The following DOCK1 variants were observed in gnomAD, a reference collection of about 807,000 sequenced individuals.
The protein encoded by DOCK1 is dedicator of cytokinesis protein 1.
In DOCK1, 138 loss-of-function variants were observed where a neutral mutation model predicts 262.7. The observed-to-expected ratio is 0.53, with a 90% CI of 0.46 to 0.61. The LOEUF is 0.61. Among genes scored for constraint, DOCK1 ranks in the 20% least tolerant of loss-of-function variants. The pLI is 0.00. For missense variants in DOCK1, 1,908 were observed against 2,370.7 expected, an observed-to-expected ratio of 0.80 and a Z score of 4.05; for synonymous variants, 866 against 867.4, an observed-to-expected ratio of 1.00 and a Z score of 0.03.
chr10:126,962,480 AGAGTT>A (rs1373231819), intron 1 of DOCK1, among the ~76,000 whole-genome samples: 1 of 151,444 alleles, frequency 6.6e-6, no homozygotes, highest in Admixed American at 6.6e-5. Flanking sequence ...TTTTTTTAGT[AGAGTT>A]GGGATTTCAC....
intron 46 of DOCK1, among the ~76,000 whole-genome samples, chr10:127,423,641 T>A (rs1489399143): frequency 1.3e-5 from 2 of 152,160 alleles, no homozygotes; most frequent in African/African-American, 4.8e-5. Context: ...TATACATATT[T>A]CTCTTTTGAA....
intron 29 of DOCK1, among the ~76,000 whole-genome samples, chr10:127,325,189 C>G (rs2062701779): frequency 6.6e-6 from 1 of 152,188 alleles, no homozygotes; most frequent in South Asian, 2.1e-4. Context: ...TCTGTGGTTT[C>G]TGCTTTTGAT....
chr10:127,169,799 A>G (rs1416367608), intron 27 of DOCK1, among the ~76,000 whole-genome samples: 1 of 152,174 alleles, frequency 6.6e-6, no homozygotes, highest in East Asian at 1.9e-4. Flanking sequence ...CCTCTTAAGT[A>G]TGTGTATGTG....
At chr10:127,238,124 A>G (rs2059137164) in intron 27 of DOCK1, among the ~76,000 whole-genome samples, 1 of 152,234 alleles carries the variant, frequency 6.6e-6, no homozygotes, top group Admixed American at 6.5e-5. Context: ...GATGCCTATG[A>G]AAATGAACAA....
At chr10:127,245,213 T>G (rs1048460405) in intron 27 of DOCK1, among the ~76,000 whole-genome samples, 2 of 152,132 alleles carry the variant, frequency 1.3e-5, no homozygotes, top group African/African-American at 4.8e-5. Flanking sequence ...GGAGGGGCAT[T>G]TCAGTGAATT....
intron 51 of DOCK1, among the ~76,000 whole-genome samples, chr10:127,448,578 G>T (rs1183514438): frequency 3.9e-5 from 6 of 152,154 alleles, no homozygotes; most frequent in Non-Finnish European, 8.8e-5. Flanking sequence ...GGGAACTTCT[G>T]CTTCTAGGCT....
intron 30 of DOCK1, among the ~76,000 whole-genome samples, chr10:127,342,131 G>A (rs2063460529): frequency 6.6e-6 from 1 of 151,948 alleles, no homozygotes; most frequent in African/African-American, 2.4e-5. Context: ...GTTAAAGGGA[G>A]CAGGTAGAAA....
rs1457521891 is a variant in DOCK1, at chr10:126,914,853, G to C, written c.46+9290G>C. On this transcript the variant is annotated intron_variant, in intron 1 of 51. Transcript: ENST00000623213. Reference sequence around the variant, plus strand: ...GGTGGGGAGGGTGAGCAGGGGCTCTGCTCTGCCCAGCCATTCAGAGTCTCT... The same window carrying C: ...GGTGGGGAGGGTGAGCAGGGGCTCTCCTCTGCCCAGCCATTCAGAGTCTCT... Among the ~76,000 whole-genome samples, 4 of 152,216 alleles carry C rather than the reference G, an allele frequency of 2.6e-5. No homozygotes were observed. In the East Asian group the frequency reaches 7.7e-4, roughly 29 times the overall value.
chr10:127,380,477 G>T (rs1302651503), intron 36 of DOCK1, among the ~76,000 whole-genome samples: 1 of 152,144 alleles, frequency 6.6e-6, no homozygotes, highest in Non-Finnish European at 1.5e-5. Flanking sequence ...GAGAAATCCA[G>T]TTATAACTTT....
At chr10:127,017,380 G>A (rs1190148002) in intron 12 of DOCK1, among the ~76,000 whole-genome samples, 2 of 151,394 alleles carry the variant, frequency 1.3e-5, no homozygotes, top group African/African-American at 4.9e-5. Context: ...TACAGACACA[G>A]ACATACATAC....
At chr10:127,219,357 T>C (rs2058335381) in intron 27 of DOCK1, among the ~76,000 whole-genome samples, 1 of 152,176 alleles carries the variant, frequency 6.6e-6, no homozygotes, top group Non-Finnish European at 1.5e-5. Context: ...CTTAGCTTTA[T>C]ATTAACTTTC....
At chr10:127,259,530 C>T (rs970677108) in intron 29 of DOCK1, among the ~76,000 whole-genome samples, 5 of 152,282 alleles carry the variant, frequency 3.3e-5, no homozygotes, top group African/African-American at 9.6e-5. Context: ...GCTGAGCAGG[C>T]GCCTGAGCAC....
intron 1 of DOCK1, among the ~76,000 whole-genome samples, chr10:126,909,049 G>A (rs888365815): frequency 2.0e-5 from 3 of 152,200 alleles, no homozygotes; most frequent in Non-Finnish European, 4.4e-5. Context: ...CTTGGCAGAT[G>A]TGATTCAGGT....
intron 32 of DOCK1, among the ~76,000 whole-genome samples, chr10:127,357,374 C>T (rs1015431621): frequency 7.2e-5 from 11 of 152,170 alleles, no homozygotes; most frequent in South Asian, 2.1e-4. Context: ...GAAGGAAAGG[C>T]GGGCCCAGAA....
intron 39 of DOCK1, 90 bp downstream of exon 39, chr10:127,403,234 C>T: frequency 7.5e-7 from 1 of 1,324,776 alleles, no homozygotes; most frequent in Non-Finnish European, 1.0e-6. Flanking sequence ...TGTTAGGGTT[C>T]ACCCCAGGCA....
chr10:127,263,540 C>T (rs1039758016), intron 29 of DOCK1, among the ~76,000 whole-genome samples: 14 of 152,164 alleles, frequency 9.2e-5, no homozygotes, highest in Admixed American at 2.6e-4. Context: ...TTAAGATGAG[C>T]ACAGCACAGA....
chr10:127,446,782 C>T lies in DOCK1; in HGVS notation c.5414-612C>T, dbSNP rs116037760. On this transcript the variant is annotated intron_variant, in intron 50 of 51. Coordinates refer to ENST00000623213, the MANE Select transcript of DOCK1 (RefSeq NM_001290223.2). This position sits in a 1 kb window ranked among gnomAD's most constrained non-coding sequence, Gnocchi z 4.4. ...TAATGATTATTCCTCCGTTTGAAAA[C>T]GGCTATTTTTTCCAGTTTACTTTAA... 7.1e-3 allele frequency among the ~76,000 whole-genome samples: 1,077 copies of T among 152,242 alleles called. 13 individuals carry two copies. The highest frequency in any genetic ancestry group is 0.024 in the African/African-American group (1,005 of 41,524).
intron 23 of DOCK1, among the ~76,000 whole-genome samples, chr10:127,078,084 T>A (rs1347454334): frequency 1.3e-5 from 2 of 152,056 alleles, no homozygotes; most frequent in Non-Finnish European, 2.9e-5. Context: ...GTATTAGAGA[T>A]CCTGAGCTGA....
chr10:127,414,745 A>T (rs1186913953), intron 43 of DOCK1, among the ~76,000 whole-genome samples: 1 of 152,222 alleles, frequency 6.6e-6, no homozygotes, highest in Non-Finnish European at 1.5e-5. Flanking sequence ...TCTCCCAAAG[A>T]TGTATTTGCC....
Sources: allele counts gnomAD v4.1 joint callset (sites outside exome capture counted in the v4.1 genomes callset), GRCh38; gene constraint gnomAD v4.1.1; non-coding constraint Gnocchi (gnomAD v3.1); transcripts MANE v1.5; gene names NCBI Gene and HGNC (gene_info 2026-07-23, HGNC 2026-07-21).